PTPRN2: variants seen among roughly 807,000 people sequenced by gnomAD.
The protein encoded by PTPRN2 is protein tyrosine phosphatase receptor type N2, also known as receptor-type tyrosine-protein phosphatase N2.
PTPRN2 carries 74 observed loss-of-function variants against 118.8 expected under a neutral mutation model. The observed-to-expected ratio is 0.62, with a 90% CI of 0.52 to 0.76. The LOEUF is 0.76. Ranked by LOEUF, PTPRN2 falls within the 30% of genes least tolerant of loss-of-function variation. The probability of loss-of-function intolerance (pLI) is 0.00; values close to 1 mark genes in which losing one functional copy is unlikely to be tolerated. For synonymous variants in PTPRN2, 641 were observed against 608.0 expected (o/e 1.05, Z -0.80); for missense variants, 1,481 against 1,394.4 (o/e 1.06, Z -0.99).
At chr7:157,786,677 C>T (rs188518115) in intron 12 of PTPRN2, among the ~76,000 whole-genome samples, 6 of 152,246 alleles carry the variant, frequency 3.9e-5, no homozygotes, top group East Asian at 1.9e-4. Context: ...AGGCCACATC[C>T]GTGCAGAAAG....
chr7:157,552,898 G>A (rs1171176664), intron 21 of PTPRN2, among the ~76,000 whole-genome samples: 1 of 152,206 alleles, frequency 6.6e-6, no homozygotes, highest in Non-Finnish European at 1.5e-5. Flanking sequence ...TGAGGGTCCA[G>A]TGAGATGACG....
At position 157,764,246 on chromosome 7, in the gene PTPRN2, C is replaced by T. The variant is rs1009721874; in HGVS notation, c.1789-81309G>A. Among the ~76,000 whole-genome samples the T allele has an allele frequency of 7.2e-5, 11 of 152,168 alleles. No individual in the cohort carries two copies. The highest frequency in any genetic ancestry group is 2.9e-5 in the Non-Finnish European group (2 of 68,048). ...ACCAGGGGCATATGCCCAAAAGCAC[C>T]GAATGCAGTGACTCAGAGAGAGATT... On this transcript the variant is annotated intron_variant, in intron 12 of 22. Coordinates refer to ENST00000389418, the MANE Select transcript of PTPRN2 (RefSeq NM_002847.5). This position sits in a 1 kb window ranked among gnomAD's most constrained non-coding sequence, Gnocchi z 4.5.
At chr7:158,444,659 C>T (rs1475037086) in intron 2 of PTPRN2, among the ~76,000 whole-genome samples, 2 of 152,210 alleles carry the variant, frequency 1.3e-5, no homozygotes, top group Non-Finnish European at 2.9e-5. Context: ...CTCGCCAGAA[C>T]GTCTCAGGAA....
At chr7:157,542,425 G>T (rs906790763) in intron 22 of PTPRN2, among the ~76,000 whole-genome samples, 2 of 147,584 alleles carry the variant, frequency 1.4e-5, no homozygotes, top group African/African-American at 2.7e-5. Flanking sequence ...CCTGAGAAAT[G>T]ATCTTTAAAG....
chr7:158,154,984 C>T (rs558811549), intron 6 of PTPRN2, among the ~76,000 whole-genome samples: 5 of 152,268 alleles, frequency 3.3e-5, no homozygotes, highest in East Asian at 3.9e-4. Flanking sequence ...TGAAGAAGGG[C>T]GGCAGCACAG....
intron 12 of PTPRN2, among the ~76,000 whole-genome samples, chr7:157,698,712 C>T (rs1446926529): frequency 6.6e-6 from 1 of 152,104 alleles, no homozygotes; most frequent in Non-Finnish European, 1.5e-5. Context: ...TTTTCACTGT[C>T]TAGATTCTAG....
intron 12 of PTPRN2, among the ~76,000 whole-genome samples, chr7:157,686,929 A>T (rs1317133383): frequency 1.3e-5 from 2 of 152,206 alleles, no homozygotes; most frequent in Admixed American, 1.3e-4. Context: ...ATTTTATCCC[A>T]GGTTAGATCT....
At chr7:158,485,031 C>T (rs1024231210) in intron 2 of PTPRN2, among the ~76,000 whole-genome samples, 1 of 152,104 alleles carries the variant, frequency 6.6e-6, no homozygotes, top group South Asian at 2.1e-4. Context: ...CGGCCGCCAG[C>T]GTCCCGGGAG....
chr7:158,398,607 T>C (rs1361092443), intron 2 of PTPRN2, among the ~76,000 whole-genome samples: 1 of 152,268 alleles, frequency 6.6e-6, no homozygotes. Flanking sequence ...TTGAAAAATC[T>C]AAGTCTGGTT....
At chr7:157,916,014 G>T (rs1321841525) in intron 11 of PTPRN2, among the ~76,000 whole-genome samples, 1 of 152,144 alleles carries the variant, frequency 6.6e-6, no homozygotes, top group African/African-American at 2.4e-5. Context: ...CCTCAGGGGA[G>T]GCTAAATATG....
intron 12 of PTPRN2, among the ~76,000 whole-genome samples, chr7:157,760,510 G>A (rs963782479): frequency 1.3e-5 from 2 of 152,010 alleles, no homozygotes; most frequent in Non-Finnish European, 2.9e-5. Context: ...AGAATGAGCA[G>A]AGCCAGTCCT....
intron 20 of PTPRN2, among the ~76,000 whole-genome samples, chr7:157,571,158 C>T (rs943745208): frequency 2.8e-5 from 4 of 143,384 alleles, no homozygotes; most frequent in Admixed American, 2.2e-4. Flanking sequence ...TTGCAGTGAG[C>T]CTGACGAGAC....
chr7:158,209,159 C>A (rs1827390294), intron 3 of PTPRN2, among the ~76,000 whole-genome samples: 1 of 150,042 alleles, frequency 6.7e-6, no homozygotes, highest in Non-Finnish European at 1.5e-5. Context: ...GACCACAAAA[C>A]AATCAGAAAA....
chr7:158,365,154 A>G (rs959714917), intron 2 of PTPRN2, among the ~76,000 whole-genome samples: 3 of 152,214 alleles, frequency 2.0e-5, no homozygotes, highest in Non-Finnish European at 2.9e-5. Flanking sequence ...AGCGTTTCCC[A>G]TAACTCAGGA....
In PTPRN2 at chr7:157,861,576, T is replaced by C. The variant is rs1167400187; in HGVS notation, c.1788+37097A>G. On this transcript the variant is annotated intron_variant, in intron 12 of 22. Transcript: ENST00000389418. The surrounding 1 kb of genome is among the most constrained non-coding windows in gnomAD (Gnocchi z 5.8). ...TCCCTGTACTCAAAGCCGAGCTGTG[T>C]GAGGCTTTTGGGGCTGCCAGAACAA... 5.3e-5 allele frequency among the ~76,000 whole-genome samples: 8 copies of C among 152,204 alleles called. No homozygotes were observed. The highest frequency in any genetic ancestry group is 1.0e-4 in the Non-Finnish European group (7 of 68,024).
chr7:158,378,429 AG>A (rs913326895), intron 2 of PTPRN2, among the ~76,000 whole-genome samples: 1 of 152,148 alleles, frequency 6.6e-6, no homozygotes, highest in African/African-American at 2.4e-5. Context: ...ATGGTTCTGA[AG>A]GGGGAACCGC....
At chr7:157,769,588 T>G (rs1418952368) in intron 12 of PTPRN2, among the ~76,000 whole-genome samples, 2 of 152,098 alleles carry the variant, frequency 1.3e-5, no homozygotes, top group African/African-American at 2.4e-5. Context: ...AGGCCTTGGG[T>G]AGAAGATGTT....
At chr7:157,842,403 C>T (rs893097939) in intron 12 of PTPRN2, among the ~76,000 whole-genome samples, 2 of 142,176 alleles carry the variant, frequency 1.4e-5, no homozygotes, top group East Asian at 2.2e-4. Flanking sequence ...TGTGCAGATT[C>T]AGGAGACTTT....
intron 11 of PTPRN2, 56 bp downstream of exon 11, chr7:158,081,242 G>T: frequency 1.4e-6 from 2 of 1,446,178 alleles, no homozygotes; most frequent in Non-Finnish European, 1.9e-6. Flanking sequence ...GTTTGCGTGC[G>T]TGTGTGTGTG....
Sources: allele counts gnomAD v4.1 joint callset (sites outside exome capture counted in the v4.1 genomes callset), GRCh38; gene constraint gnomAD v4.1.1; non-coding constraint Gnocchi (gnomAD v3.1); transcripts MANE v1.5; gene names NCBI Gene and HGNC (gene_info 2026-07-23, HGNC 2026-07-21).